The following CNOT4 variants were observed in gnomAD, a reference collection of about 807,000 sequenced individuals.
CNOT4 encodes the protein CCR4-NOT transcription complex subunit 4.
CNOT4 carries 8 observed loss-of-function variants against 73.8 expected under a neutral mutation model. The ratio of observed to expected loss-of-function variants is 0.11; its 90% CI spans 0.06 to 0.20. The LOEUF (loss-of-function observed/expected upper bound fraction) is 0.20, where lower values mean the gene tolerates loss of function less well. CNOT4 is among the 10% of genes least tolerant of loss of function. The probability of loss-of-function intolerance (pLI) is 1.00; values close to 1 mark genes in which losing one functional copy is unlikely to be tolerated. For missense variants in CNOT4, 564 were observed against 883.4 expected, an observed-to-expected ratio of 0.64 and a Z score of 4.58; for synonymous variants, 293 against 321.1, an observed-to-expected ratio of 0.91 and a Z score of 0.94.
chr7:135,499,700 T>A (rs1803836946), intron 1 of CNOT4, among the ~76,000 whole-genome samples: 1 of 152,132 alleles, frequency 6.6e-6, no homozygotes, highest in South Asian at 2.1e-4. Context: ...TCACTGAAGA[T>A]ATTCCCAAAT....
At chr7:135,387,552 T>C (rs886249973) in intron 10 of CNOT4, 2 of 936,196 alleles carry the variant, frequency 2.1e-6, no homozygotes, top group Admixed American at 6.3e-5. Context: ...TCCCCTTTCA[T>C]ACTTTTTTTT....
intron 1 of CNOT4, among the ~76,000 whole-genome samples, chr7:135,498,394 A>C (rs1340471425): frequency 1.3e-5 from 2 of 152,220 alleles, no homozygotes; most frequent in Non-Finnish European, 2.9e-5. Flanking sequence ...AGTTCCCCAA[A>C]GCTGAAAATA....
intron 3 of CNOT4, among the ~76,000 whole-genome samples, chr7:135,418,666 T>A (rs1387612437): frequency 6.6e-6 from 1 of 152,216 alleles, no homozygotes; most frequent in Non-Finnish European, 1.5e-5. Context: ...GTTTCTTATT[T>A]GTAAAATGAA....
At chr7:135,446,669 C>T (rs1799851320) in intron 1 of CNOT4, among the ~76,000 whole-genome samples, 1 of 151,650 alleles carries the variant, frequency 6.6e-6, no homozygotes, top group African/African-American at 2.4e-5. Flanking sequence ...GTTATATATA[C>T]ACTGTAATTA....
intron 10 of CNOT4, among the ~76,000 whole-genome samples, chr7:135,377,688 A>G (rs1055914501): frequency 6.6e-6 from 1 of 152,190 alleles, no homozygotes; most frequent in Non-Finnish European, 1.5e-5. Context: ...TCAAAAATTT[A>G]TATGCTCATC....
At chr7:135,431,404 T>C (rs969409354) in intron 2 of CNOT4, among the ~76,000 whole-genome samples, 3 of 152,166 alleles carry the variant, frequency 2.0e-5, no homozygotes, top group African/African-American at 7.2e-5. Context: ...TGGTCAACAT[T>C]CAAAAGTGGT....
At chr7:135,431,890 T>G (rs1311726152) in intron 2 of CNOT4, among the ~76,000 whole-genome samples, 1 of 152,220 alleles carries the variant, frequency 6.6e-6, no homozygotes, top group Non-Finnish European at 1.5e-5. Flanking sequence ...ACCTTATTCA[T>G]GAACTAAAGG....
chr7:135,431,242 G>A (rs1798819489), intron 2 of CNOT4, among the ~76,000 whole-genome samples: 1 of 152,206 alleles, frequency 6.6e-6, no homozygotes, highest in East Asian at 1.9e-4. Flanking sequence ...TTCATAGCCT[G>A]GGCGAAAGAG....
rs201663873 is a variant in CNOT4 at position 135,389,227 on chromosome 7, TC to T, written c.1627+4690del. Among the ~76,000 whole-genome samples, 328 of 147,230 alleles carry T rather than the reference TC, an allele frequency of 2.2e-3. 12 individuals are homozygous for T. In the East Asian group the frequency reaches 0.055, roughly 25 times the overall value. ...AAGCCAATTGGACCCTTATAGATAC[TC>T]CTAGTAAATGGTAAATATTAATAGT... On this transcript the variant is annotated intron_variant, in intron 10 of 11. Coordinates refer to ENST00000541284, the MANE Select transcript of CNOT4 (RefSeq NM_001190850.2).
intron 2 of CNOT4, among the ~76,000 whole-genome samples, 185 bp downstream of exon 2, chr7:135,437,973 C>A (rs1799260197): frequency 6.6e-6 from 1 of 152,108 alleles, no homozygotes; most frequent in African/African-American, 2.4e-5. Context: ...TAAACAAAGC[C>A]AAGACGTGGC....
intron 10 of CNOT4, among the ~76,000 whole-genome samples, chr7:135,366,106 A>G (rs1794898630): frequency 6.6e-6 from 1 of 152,230 alleles, no homozygotes; most frequent in South Asian, 2.1e-4. Context: ...AAGATAAATG[A>G]TCTTACACCG....
At chr7:135,492,506 A>G (rs115394768) in intron 1 of CNOT4, among the ~76,000 whole-genome samples, 474 of 152,338 alleles carry the variant, frequency 3.1e-3, no homozygotes, top group African/African-American at 0.011. Flanking sequence ...GAATCAGTGG[A>G]CTGACAGTTT....
Position 135,494,694 on chromosome 7 carries a change from T to A in CNOT4, c.-93+15195A>T, listed in dbSNP as rs184358946. On this transcript the variant is annotated intron_variant, in intron 1 of 11. Transcript: ENST00000541284. ...AACAGTATATATATTAATTATATGA[T>A]ATGTCAGAACATAAGTGTTATAGAA... is the stretch of plus-strand genomic sequence containing the variant. Among the ~76,000 whole-genome samples the A allele has an allele frequency of 8.0e-4, 122 of 152,228 alleles. 1 individual carries two copies. The highest frequency in any genetic ancestry group is 2.4e-3 in the African/African-American group (100 of 41,544).
intron 10 of CNOT4, among the ~76,000 whole-genome samples, chr7:135,381,043 G>A (rs1010417902): frequency 1.3e-5 from 2 of 152,112 alleles, no homozygotes; most frequent in Non-Finnish European, 2.9e-5. Context: ...GGTGAAGTGG[G>A]CACCAGTATT....
intron 1 of CNOT4, among the ~76,000 whole-genome samples, chr7:135,489,391 CTTTTTTTTTTTTTTT>C (rs71174525): frequency 2.4e-5 from 2 of 84,746 alleles, no homozygotes; most frequent in Admixed American, 1.5e-4. Flanking sequence ...AGTCACATTT[CTTTTTTTTTTTTTTT>C]TTTTTTTTTG....
chr7:135,417,445 A>G (rs1327387400), intron 3 of CNOT4, among the ~76,000 whole-genome samples: 2 of 152,192 alleles, frequency 1.3e-5, no homozygotes, highest in Non-Finnish European at 1.5e-5. Flanking sequence ...TTATATTATC[A>G]AGAAGTCATT....
intron 7 of CNOT4, among the ~76,000 whole-genome samples, chr7:135,398,666 C>T (rs138305165): frequency 6.6e-6 from 1 of 152,150 alleles, no homozygotes; most frequent in African/African-American, 2.4e-5. Flanking sequence ...AAGGAACTTA[C>T]ATTGTAATTA....
intron 3 of CNOT4, among the ~76,000 whole-genome samples, chr7:135,417,412 T>A (rs1457013385): frequency 6.6e-6 from 1 of 152,242 alleles, no homozygotes; most frequent in Admixed American, 6.5e-5. Context: ...TATATACTTT[T>A]TCAAATTATG....
intron 1 of CNOT4, among the ~76,000 whole-genome samples, chr7:135,462,801 GA>G (rs1800958976): frequency 6.6e-6 from 1 of 152,216 alleles, no homozygotes; most frequent in Admixed American, 6.5e-5. Context: ...TCAGTAAAAT[GA>G]AGAGGTTGTA....
Sources: allele counts gnomAD v4.1 joint callset (sites outside exome capture counted in the v4.1 genomes callset), GRCh38; gene constraint gnomAD v4.1.1; transcripts MANE v1.5; gene names NCBI Gene and HGNC (gene_info 2026-07-23, HGNC 2026-07-21).